The following PHF21B variants were observed in gnomAD, a reference collection of about 807,000 sequenced individuals.
PHF21B encodes PHD finger protein 4.
PHF21B carries 22 observed loss-of-function variants against 62.2 expected under a neutral mutation model. That is an observed-to-expected ratio of 0.35 (90% CI 0.25 to 0.51). PHF21B has a LOEUF of 0.51. Among genes scored for constraint, PHF21B ranks in the 20% least tolerant of loss-of-function variants. The probability of loss-of-function intolerance (pLI) is 0.97; values close to 1 mark genes in which losing one functional copy is unlikely to be tolerated. For synonymous variants in PHF21B, 341 were observed against 314.7 expected (o/e 1.08, Z -0.88); for missense variants, 701 against 707.9 (o/e 0.99, Z 0.11).
chr22:44,930,293 C>T (rs978327400), intron 2 of PHF21B, among the ~76,000 whole-genome samples: 6 of 152,170 alleles, frequency 3.9e-5, no homozygotes, highest in Non-Finnish European at 8.8e-5. Flanking sequence ...ATGCCTATTG[C>T]CTCTACCGTG....
chr22:44,951,693 G>C (rs1052077625), intron 2 of PHF21B, among the ~76,000 whole-genome samples: 1 of 152,208 alleles, frequency 6.6e-6, no homozygotes, highest in African/African-American at 2.4e-5. Flanking sequence ...ACTGCTGACT[G>C]GCATTTGGGT....
chr22:44,918,419 C>G (rs1356737113), intron 3 of PHF21B, among the ~76,000 whole-genome samples: 1 of 152,280 alleles, frequency 6.6e-6, no homozygotes, highest in Non-Finnish European at 1.5e-5. Flanking sequence ...AGCTCAGGAT[C>G]TGGCCTGAGC....
chr22:44,973,302 C>A (rs1723034118), intron 2 of PHF21B, among the ~76,000 whole-genome samples: 1 of 152,228 alleles, frequency 6.6e-6, no homozygotes, highest in Admixed American at 6.5e-5. Context: ...TGCACATCAA[C>A]TTCCAGATTG....
intron 2 of PHF21B, among the ~76,000 whole-genome samples, chr22:44,928,158 C>T (rs1013912421): frequency 3.9e-5 from 6 of 152,170 alleles, no homozygotes; most frequent in African/African-American, 9.7e-5. Flanking sequence ...GGGGTTCCAG[C>T]GCTGGCTTTG....
intron 4 of PHF21B, among the ~76,000 whole-genome samples, chr22:44,914,297 T>G (rs1238816811): frequency 6.6e-6 from 1 of 151,826 alleles, no homozygotes; most frequent in Admixed American, 6.6e-5. Context: ...ATGGGGAGGG[T>G]CTGCATGAGA....
At chr22:44,998,078 T>A (rs1227991852) in intron 2 of PHF21B, among the ~76,000 whole-genome samples, 1 of 152,262 alleles carries the variant, frequency 6.6e-6, no homozygotes, top group East Asian at 1.9e-4. Context: ...AACTTACCCA[T>A]ACCTGGAGAT....
In PHF21B at chr22:44,950,575, GT is replaced by G. The variant is rs975377106; in HGVS notation, c.121-30086del. Among the ~76,000 whole-genome samples, 858 of 146,998 alleles carry G rather than the reference GT, an allele frequency of 5.8e-3. 6 individuals carry two copies. Among genetic ancestry groups the G allele is most frequent in the African/African-American group, 0.019 (782 of 40,326 alleles). ...CATTGCTTCTGTTCTTCGTGTTCGT[GT>G]TTTTTTTTTTCTTTTGAAAAACTCT... On this transcript the variant is annotated intron_variant, in intron 2 of 12. Transcript: ENST00000313237.
In PHF21B at chr22:44,889,688, G is replaced by T. The variant is rs531081021; in HGVS notation, c.1038+72C>A. ...CGGGCTCTTTCCCTCTTTCCAGGAG[G>T]GACCCTATGAGGACTGTACTGAAAA... On this transcript the variant is annotated intron_variant, in intron 9 of 12. Transcript: ENST00000313237. 3.0e-5 allele frequency: 46 copies of T among 1,521,008 alleles called. No homozygotes were observed. The South Asian group carries it at 5.6e-4, about 18-fold the overall frequency. The allele number at this position is 1,521,008 out of a possible 1,614,324, so 94.2% of individuals were successfully genotyped here. A position where few individuals can be genotyped will look rare whatever the true frequency, so the allele number is the denominator to read the frequency against.
At chr22:44,898,947 T>C (rs563404406) in intron 5 of PHF21B, among the ~76,000 whole-genome samples, 11 of 152,304 alleles carry the variant, frequency 7.2e-5, no homozygotes, top group African/African-American at 1.7e-4. Context: ...TAAATTATCA[T>C]AGATCTATTT....
intron 2 of PHF21B, among the ~76,000 whole-genome samples, chr22:44,997,362 AACTGTTCTGTC>A (rs2073140303): frequency 6.6e-6 from 1 of 152,074 alleles, no homozygotes; most frequent in African/African-American, 2.4e-5. Context: ...TGGCCCCAGT[AACTGTTCTGTC>A]ACCTCTCCTT....
intron 2 of PHF21B, among the ~76,000 whole-genome samples, chr22:44,997,041 C>T (rs1569282445): frequency 6.6e-6 from 1 of 152,218 alleles, no homozygotes. Flanking sequence ...GTCTCCCCCC[C>T]GAGTCTCTGA....
At chr22:44,958,405 G>T (rs868382494) in intron 2 of PHF21B, among the ~76,000 whole-genome samples, 1 of 152,088 alleles carries the variant, frequency 6.6e-6, no homozygotes, top group Non-Finnish European at 1.5e-5. Context: ...CAACCCGGAG[G>T]CCTGTGTCCT....
At chr22:44,936,436 T>A (rs933082472) in intron 2 of PHF21B, among the ~76,000 whole-genome samples, 19 of 152,136 alleles carry the variant, frequency 1.2e-4, no homozygotes, top group Admixed American at 2.6e-4. Flanking sequence ...TCGCCTCCTG[T>A]CCCCAGCCCC....
intron 2 of PHF21B, among the ~76,000 whole-genome samples, chr22:44,965,020 C>T (rs1023418734): frequency 1.5e-4 from 23 of 152,294 alleles, no homozygotes; most frequent in African/African-American, 5.3e-4. Flanking sequence ...ATCTCAGGGG[C>T]TCACGTCCTT....
chr22:44,956,948 C>T (rs543513090), intron 2 of PHF21B, among the ~76,000 whole-genome samples: 2 of 152,350 alleles, frequency 1.3e-5, no homozygotes, highest in Admixed American at 6.5e-5. Flanking sequence ...ATCCACTCAC[C>T]AACCACAGGG....
chr22:44,922,314 G>C (rs1334094159), intron 2 of PHF21B, among the ~76,000 whole-genome samples: 1 of 152,200 alleles, frequency 6.6e-6, no homozygotes, highest in Admixed American at 6.5e-5. Flanking sequence ...AGTTTAGCCA[G>C]GTTGCAGGAT....
intron 9 of PHF21B, among the ~76,000 whole-genome samples, chr22:44,888,874 G>A (rs987127647): frequency 1.2e-4 from 18 of 152,174 alleles, no homozygotes; most frequent in African/African-American, 3.6e-4. Context: ...AGGGGGAGCC[G>A]GGACCAGCAA....
intron 2 of PHF21B, among the ~76,000 whole-genome samples, chr22:44,949,717 A>G (rs2072154894): frequency 6.6e-6 from 1 of 152,234 alleles, no homozygotes. Flanking sequence ...TCTGTGTATC[A>G]GAGAAGACGT....
intron 2 of PHF21B, among the ~76,000 whole-genome samples, chr22:44,984,769 CTGT>C (rs2072917042): frequency 6.6e-6 from 1 of 152,204 alleles, no homozygotes; most frequent in Non-Finnish European, 1.5e-5. Flanking sequence ...CACATTAGGA[CTGT>C]TTTCTATTCC....
Sources: allele counts gnomAD v4.1 joint callset (sites outside exome capture counted in the v4.1 genomes callset), GRCh38; gene constraint gnomAD v4.1.1; transcripts MANE v1.5; gene names NCBI Gene and HGNC (gene_info 2026-07-23, HGNC 2026-07-21).